The following XIRP2 variants were observed in gnomAD, a reference collection of about 807,000 sequenced individuals.
The protein encoded by XIRP2 is xin actin-binding repeat-containing protein 2.
Under a neutral mutation model 277.0 loss-of-function variants are expected in XIRP2, and 236 were observed. The ratio of observed to expected loss-of-function variants is 0.85; its 90% CI spans 0.77 to 0.95. The LOEUF is 0.95. Among genes scored for constraint, XIRP2 ranks in the 40% least tolerant of loss-of-function variants. The probability of loss-of-function intolerance (pLI) is 0.00; values close to 1 mark genes in which losing one functional copy is unlikely to be tolerated. For synonymous variants in XIRP2, 1,490 were observed against 1,416.5 expected, an observed-to-expected ratio of 1.05 and a Z score of -1.17; for missense variants, 4,640 against 4,157.5, an observed-to-expected ratio of 1.12 and a Z score of -3.19.
chr2:167,020,031 C>T (rs2105483204), intron 2 of XIRP2, among the ~76,000 whole-genome samples: 1 of 152,138 alleles, frequency 6.6e-6, no homozygotes, highest in East Asian at 1.9e-4. Flanking sequence ...GTTAATGTCA[C>T]TCATTCTTTC....
At chr2:167,206,482 C>T (rs767406485) in intron 3 of XIRP2, among the ~76,000 whole-genome samples, 2 of 152,148 alleles carry the variant, frequency 1.3e-5, no homozygotes, top group Non-Finnish European at 2.9e-5. Flanking sequence ...GTTCTTTTCT[C>T]GTCTTTGACA....
intron 2 of XIRP2, among the ~76,000 whole-genome samples, chr2:167,041,085 A>AG: frequency 6.6e-6 from 1 of 152,020 alleles, no homozygotes; most frequent in South Asian, 2.1e-4. Context: ...AAGGAACCAG[A>AG]GAAAAAAACC....
chr2:166,909,892 C>T (rs1048853242), intron 2 of XIRP2, among the ~76,000 whole-genome samples: 1 of 152,140 alleles, frequency 6.6e-6, no homozygotes, highest in Non-Finnish European at 1.5e-5. Context: ...ATCTTTGGTT[C>T]TGTTTATATG....
chr2:166,986,906 G>A lies in XIRP2; in HGVS notation c.408+83016G>A, dbSNP rs558965618. Among the ~76,000 whole-genome samples, 3 of 152,220 alleles carry A rather than the reference G, an allele frequency of 2.0e-5. No homozygotes were observed. In the South Asian group the frequency reaches 6.2e-4, roughly 32 times the overall value. ...TAGAATTGTCTAGGCTTAGTTTTAT[G>A]CATTTTGGGTTTTTTCCAAGAAATA... On this transcript the variant is annotated intron_variant, in intron 2 of 10. Transcript: ENST00000409195.
intron 2 of XIRP2, among the ~76,000 whole-genome samples, chr2:167,076,237 A>G (rs1189535516): frequency 6.6e-6 from 1 of 152,194 alleles, no homozygotes; most frequent in Non-Finnish European, 1.5e-5. Context: ...TTAAGGTAGC[A>G]TTTCCAAAGA....
intron 2 of XIRP2, among the ~76,000 whole-genome samples, chr2:166,995,213 T>G (rs1687184675): frequency 6.6e-6 from 1 of 152,098 alleles, no homozygotes; most frequent in Non-Finnish European, 1.5e-5. Flanking sequence ...CACTATTTAT[T>G]GTTGGGTTCT....
At chr2:166,957,998 T>C (rs931996115) in intron 2 of XIRP2, among the ~76,000 whole-genome samples, 1 of 151,854 alleles carries the variant, frequency 6.6e-6, no homozygotes, top group Non-Finnish European at 1.5e-5. Context: ...TTGAGTATAA[T>C]TGCAAACTAA....
intron 3 of XIRP2, among the ~76,000 whole-genome samples, chr2:167,140,571 G>A (rs780898634): frequency 6.6e-6 from 1 of 152,084 alleles, no homozygotes; most frequent in Non-Finnish European, 1.5e-5. Flanking sequence ...CTGGATACAC[G>A]ATGGTGGACC....
chr2:167,155,564 A>T (rs978837636), intron 3 of XIRP2, among the ~76,000 whole-genome samples: 12 of 152,128 alleles, frequency 7.9e-5, no homozygotes, highest in Non-Finnish European at 1.2e-4. Flanking sequence ...TGTTAAAAAC[A>T]CTCAATAAAT....
chr2:166,953,627 A>T (rs140049736), intron 2 of XIRP2, among the ~76,000 whole-genome samples: 1 of 151,956 alleles, frequency 6.6e-6, no homozygotes, highest in Non-Finnish European at 1.5e-5. Flanking sequence ...GCTCTGGATT[A>T]GTTAGTCTGG....
chr2:167,124,800 C>T (rs995530861), intron 2 of XIRP2, among the ~76,000 whole-genome samples: 5 of 152,096 alleles, frequency 3.3e-5, no homozygotes, highest in Non-Finnish European at 7.4e-5. Context: ...GGTGGCAAAG[C>T]GGGGCATTCA....
In XIRP2 at chr2:167,250,765, A is replaced by G. The variant is rs1295175070; in HGVS notation, c.9373A>G (p.Thr3125Ala). 3.7e-6 allele frequency: 6 copies of G among 1,613,416 alleles called. No individual in the cohort carries two copies. The African/African-American group carries it at 6.7e-5, about 18-fold the overall frequency. ...ACGCCCACCGTCACCAACTTTTATC[A>G]CAATAGAATCTACTGCCCGACGAAC... ...KTRPPSPTFITIESTARRTEN... is the reference protein window; with the variant it reads ...KTRPPSPTFIAIESTARRTEN... Residue 3125 changes from threonine to alanine, a missense_variant, in exon 9 of 11, where the codon ACA becomes GCA. Transcript: ENST00000409195.
chr2:167,255,118 C>T (rs967997708), intron 10 of XIRP2, among the ~76,000 whole-genome samples: 1 of 151,680 alleles, frequency 6.6e-6, no homozygotes, highest in Non-Finnish European at 1.5e-5. Context: ...TGTAAGAGGT[C>T]CTCACAATTA....
intron 2 of XIRP2, among the ~76,000 whole-genome samples, chr2:167,022,802 GTATTC>G: frequency 6.6e-6 from 1 of 152,036 alleles, no homozygotes; most frequent in African/African-American, 2.4e-5. Context: ...TGGCTGCATA[GTATTC>G]TATTCCATGG....
At chr2:166,996,397 G>A (rs192286580) in intron 2 of XIRP2, among the ~76,000 whole-genome samples, 14 of 152,252 alleles carry the variant, frequency 9.2e-5, no homozygotes, top group Admixed American at 3.3e-4. Context: ...TTGGGTGGCC[G>A]AGGCAGGCAG....
At chr2:167,061,903 C>A (rs1171569613) in intron 2 of XIRP2, among the ~76,000 whole-genome samples, 2 of 152,122 alleles carry the variant, frequency 1.3e-5, no homozygotes, top group Admixed American at 6.6e-5. Context: ...AAATAAATTT[C>A]TGTTGTTTTT....
rs1574000694 is a variant in XIRP2, at chr2:167,250,609, A to G, written c.9217A>G (p.Lys3073Glu). Residue 3073 changes from lysine to glutamate, a missense_variant, in exon 9 of 11, where the codon AAA (lysine) becomes GAA (glutamate). Transcript: ENST00000409195. The stretch of plus-strand genomic sequence containing the variant: ...TAAAAATAGTGAACAGAAAGAAAAT[A>G]AAATTGCCAAAGAGAAAACAGTACA... ...NNKNSEQKEN[K>E]IAKEKTVQHQ... 6.2e-7 allele frequency: 1 copy of G among 1,613,380 alleles called. No individual in the cohort carries two copies. The highest frequency in any genetic ancestry group is 2.2e-5 in the East Asian group (1 of 44,812).
In XIRP2 at chr2:167,247,307, A is replaced by T. The variant is rs751481404; in HGVS notation, c.5915A>T (p.Asn1972Ile). 9 of 1,613,620 alleles carry T rather than the reference A, an allele frequency of 5.6e-6. No homozygotes were observed. The African/African-American group carries it at 1.2e-4, about 22-fold the overall frequency. The change falls in exon 9 of 11, where the codon AAC (asparagine) becomes ATC (isoleucine). Residue 1972 changes from asparagine to isoleucine, a missense_variant. Physicochemically the swap from Asn to Ile is moderately radical, Grantham distance 149. Transcript: ENST00000409195. ...TDIHQVAVQR[N>I]KNSLLQPKPG... The stretch of plus-strand genomic sequence containing the variant: ...ATTCATCAGGTTGCTGTCCAGAGGA[A>T]CAAAAATAGTCTTCTTCAGCCAAAG...
rs1228062845 is a variant in XIRP2 at position 166,903,534 on chromosome 2, T to A, written c.52T>A (p.Ser18Thr). 1.9e-6 allele frequency: 3 copies of A among 1,613,432 alleles called. No homozygotes were observed. The highest frequency in any genetic ancestry group is 2.5e-6 in the Non-Finnish European group (3 of 1,179,704). The change falls in exon 2 of 11, where the codon TCT becomes ACT. Residue 18 changes from serine (S) to threonine (T), a missense_variant. Transcript: ENST00000409195. ...CAACCTCCTGAGGCAGAAATGGGAA[T>A]CTTGTGATTATCAGAGAAGTGAGTG... is the stretch of plus-strand genomic sequence containing the variant. ...SLNLLRQKWESCDYQRSECHP... is the reference protein window; with the variant it reads ...SLNLLRQKWETCDYQRSECHP...
Sources: allele counts gnomAD v4.1 joint callset (sites outside exome capture counted in the v4.1 genomes callset), GRCh38; gene constraint gnomAD v4.1.1; transcripts MANE v1.5; gene names NCBI Gene and HGNC (gene_info 2026-07-23, HGNC 2026-07-21).